SLC4A1: variants seen among roughly 807,000 people sequenced by gnomAD.
SLC4A1 encodes the protein band 3 anion transport protein.
In SLC4A1, 29 loss-of-function variants were observed where a neutral mutation model predicts 93.1. The observed-to-expected ratio is 0.31, with a 90% confidence interval of 0.23 to 0.42. The LOEUF (loss-of-function observed/expected upper bound fraction) is 0.42. Ranked by LOEUF, SLC4A1 falls within the 20% of genes least tolerant of loss-of-function variation. The pLI is 1.00. For missense variants in SLC4A1, 965 were observed against 1,190.1 expected, an observed-to-expected ratio of 0.81 and a Z score of 2.78; for synonymous variants, 469 against 497.2, an observed-to-expected ratio of 0.94 and a Z score of 0.76.
intron 19 of SLC4A1, 63 bp from the exon 20 acceptor site, chr17:44,250,601 G>T: frequency 7.7e-7 from 1 of 1,304,364 alleles, no homozygotes; most frequent in South Asian, 1.2e-5. Flanking sequence ...AGCCCTCCCC[G>T]GGCACGAAAG....
chr17:44,264,805 G>A (rs1459312514), intron 1 of SLC4A1, among the ~76,000 whole-genome samples: 1 of 152,058 alleles, frequency 6.6e-6, no homozygotes, highest in Non-Finnish European at 1.5e-5. Context: ...GAATGTGAGG[G>A]CAGGTCCAAG....
intron 1 of SLC4A1, among the ~76,000 whole-genome samples, chr17:44,267,351 A>T (rs2047503780): frequency 6.6e-6 from 1 of 152,196 alleles, no homozygotes; most frequent in Non-Finnish European, 1.5e-5. Context: ...TGCCCATCTC[A>T]TAGACCTGTT....
Position 44,257,529 on chromosome 17 carries a change from C to T in SLC4A1, c.1447G>A (p.Gly483Ser), listed in dbSNP as rs544557335. The part of the protein sequence containing the change: ...EAFFSFCETN[G>S]LEYIVGRVWI... Reference sequence around the variant, plus strand: ...ACGCGGCCCACGATGTACTCTAGACCGTTGGTCTCGCAGAACTGCAGGGTG... The same window carrying T: ...ACGCGGCCCACGATGTACTCTAGACTGTTGGTCTCGCAGAACTGCAGGGTG... The change falls in exon 13 of 20, where the codon GGT becomes AGT. Residue 483 changes from glycine (G) to serine (S), a missense_variant. This residue lies in a region of SLC4A1 where 770 missense variants were observed against 1,006.6 expected (regional missense o/e 0.76). Coordinates refer to ENST00000262418, the MANE Select transcript of SLC4A1 (RefSeq NM_000342.4). 1.8e-5 allele frequency: 29 copies of T among 1,614,032 alleles called. No homozygotes were observed. Among genetic ancestry groups the T allele is most frequent in the African/African-American group, 9.3e-5 (7 of 75,006 alleles).
At chr17:44,256,134 A>T (rs1032039798) in intron 13 of SLC4A1, among the ~76,000 whole-genome samples, 1 of 152,052 alleles carries the variant, frequency 6.6e-6, no homozygotes. Flanking sequence ...CCACTCATTC[A>T]TCAATCATCC....
chr17:44,260,315 A>C, intron 6 of SLC4A1, 89 bp downstream of exon 6: 1 of 1,521,586 alleles, frequency 6.6e-7, no homozygotes, highest in South Asian at 1.2e-5. Flanking sequence ...GGGTAGGGCC[A>C]CCTGGATCCC....
intron 17 of SLC4A1, 144 bp from the exon 18 acceptor site, chr17:44,251,732 TTTTTTTTG>T: frequency 3.4e-5 from 21 of 612,342 alleles, no homozygotes; most frequent in Admixed American, 6.6e-5. Context: ...TTTTTTTTTT[TTTTTTTTG>T]TTTTTTTTTT....
chr17:44,254,173 A>G (rs1309728148), intron 16 of SLC4A1, among the ~76,000 whole-genome samples: 1 of 151,800 alleles, frequency 6.6e-6, no homozygotes, highest in Admixed American at 6.6e-5. Flanking sequence ...ACAGGGCTTC[A>G]CCATGTTAGC....
intron 7 of SLC4A1, 64 bp from the exon 8 acceptor site, chr17:44,259,645 C>G (rs1489949887): frequency 8.6e-6 from 13 of 1,516,330 alleles, no homozygotes; most frequent in Non-Finnish European, 1.2e-5. Flanking sequence ...CCTGAGCATC[C>G]TCCCCTTCCC....
Position 44,250,428 on chromosome 17 carries a change from G to C in SLC4A1, c.*30C>G, listed in dbSNP as rs772584578. 5.1e-6 allele frequency: 8 copies of C among 1,560,906 alleles called. No individual in the cohort carries two copies. The highest frequency in any genetic ancestry group is 2.2e-5 in the East Asian group (1 of 44,596). ...TTGGAAGGTGGGGATGTGGAATGGT[G>C]GGGGAGGGTCTAGGGCCTGGGCCCG... On this transcript the variant is annotated 3_prime_UTR_variant, in exon 20 of 20. Transcript: ENST00000262418.
chr17:44,268,059 C>T lies in SLC4A1; in HGVS notation c.-74G>A. 1 of 985,356 alleles carries T rather than the reference C, an allele frequency of 1.0e-6. No homozygotes were observed. The highest frequency in any genetic ancestry group is 1.2e-6 in the Non-Finnish European group (1 of 829,916). The allele number at this position is 985,356 out of a possible 1,614,324, so 61.0% of individuals were successfully genotyped here. A position where few individuals can be genotyped will look rare whatever the true frequency, so the allele number is the denominator to read the frequency against. On this transcript the variant is annotated 5_prime_UTR_variant, in exon 1 of 20. Transcript: ENST00000262418. ...CCCCTCCCTGCCCTGCCCACCTGCT[C>T]ACGAGCCTCAGGGTCCCTTGGTGAA...
intron 3 of SLC4A1, 119 bp from the exon 4 acceptor site, chr17:44,261,755 G>A (rs1456292696): frequency 3.9e-6 from 6 of 1,543,336 alleles, no homozygotes; most frequent in African/African-American, 1.4e-5. Flanking sequence ...CCAGTGCCCT[G>A]GGCTGGGTCT....
rs746946659 is a variant in SLC4A1, at chr17:44,258,516, G to A, written c.984C>T (p.Ser328=). 5.7e-5 allele frequency: 92 copies of A among 1,613,916 alleles called. No individual in the cohort carries two copies. The highest frequency in any genetic ancestry group is 6.4e-5 in the Non-Finnish European group (75 of 1,179,982). Residue 328 remains serine, a synonymous_variant, in exon 10 of 20, where the codon TCC becomes TCT. Transcript: ENST00000262418. This position sits in a 1 kb window ranked among gnomAD's most constrained non-coding sequence, Gnocchi z 6.1. The part of the protein sequence containing the change: ...SLVLPPTDAP[S]EQALLSLVPV... ...GCACCAGACTGAGCAGTGCCTGCTC[G>A]GAGGGGGCATCGGTGGGAGGCAGCA...
chr17:44,249,146 G>A lies in SLC4A1; in HGVS notation c.*1312C>T, dbSNP rs980667176. 8 of 453,972 alleles carry A rather than the reference G, an allele frequency of 1.8e-5. No homozygotes were observed. The highest frequency in any genetic ancestry group is 1.4e-4 in the African/African-American group (7 of 49,810). 28.1% of individuals were successfully genotyped at this position (453,972 alleles called of 1,614,324 possible). A position where few individuals can be genotyped will look rare whatever the true frequency, so the allele number is the denominator to read the frequency against. ...CAAAGTGCTGGGATTACAAACGTGA[G>A]CCACTGCGCCCAGCCACCTCCTCTC... On this transcript the variant is annotated 3_prime_UTR_variant, in exon 20 of 20. Transcript: ENST00000262418.
intron 11 of SLC4A1, 21 bp downstream of exon 11, chr17:44,257,965 G>A: frequency 5.6e-6 from 9 of 1,613,848 alleles, no homozygotes; most frequent in Non-Finnish European, 7.6e-6. Context: ...AAGAGTTAGG[G>A]AGACAGGTAT....
intron 1 of SLC4A1, among the ~76,000 whole-genome samples, chr17:44,265,785 A>G (rs2047491087): frequency 1.3e-5 from 2 of 152,070 alleles, no homozygotes; most frequent in African/African-American, 4.8e-5. Flanking sequence ...TGGGGCAGGG[A>G]GCCTGGCCAA....
rs995921132 is a variant in SLC4A1, at chr17:44,249,301, C to G, written c.*1157G>C. 5 of 407,362 alleles carry G rather than the reference C, an allele frequency of 1.2e-5. No homozygotes were observed. Among genetic ancestry groups the G allele is most frequent in the Admixed American group, 5.6e-5 (2 of 35,692 alleles). 25.2% of individuals were successfully genotyped at this position (407,362 alleles called of 1,614,324 possible). On this transcript the variant is annotated 3_prime_UTR_variant, in exon 20 of 20. Transcript: ENST00000262418. ...CTTGGAGAGCCTGCTGTCTCCTACCCCAATTGGTCAGATCTGGGTTCTCCC... is the reference window on the plus strand; with the variant it reads ...CTTGGAGAGCCTGCTGTCTCCTACCGCAATTGGTCAGATCTGGGTTCTCCC...
intron 3 of SLC4A1, chr17:44,262,171 G>T: frequency 3.3e-6 from 2 of 609,346 alleles, no homozygotes; most frequent in Non-Finnish European, 4.2e-6. Context: ...CAGCACTTAA[G>T]TCCTGTTGAC....
intron 16 of SLC4A1, 146 bp downstream of exon 16, chr17:44,254,350 G>C (rs1371423415): frequency 2.7e-6 from 2 of 734,716 alleles, no homozygotes; most frequent in Non-Finnish European, 4.7e-6. Context: ...ACTGCCCCTG[G>C]CTTTTCACTA....
Position 44,255,315 on chromosome 17 carries a change from A to T in SLC4A1, c.1801-19T>A. 6.5e-7 allele frequency: 1 copy of T among 1,543,660 alleles called. No homozygotes were observed. The highest frequency in any genetic ancestry group is 2.4e-5 in the East Asian group (1 of 41,120). The stretch of plus-strand genomic sequence containing the variant: ...GACGCAGCTGGGGGCAGGTGAAAGG[A>T]CCAGTGGTCAGTGCCCAGTCACTCC... On this transcript the variant is annotated intron_variant, in intron 14 of 19. Transcript: ENST00000262418.
Sources: gnomAD v4.1 joint callset for allele counts (sites outside exome capture counted in the v4.1 genomes callset) on GRCh38, gnomAD v4.1.1 for gene constraint, gnomAD v4.1.1 regional missense constraint, Gnocchi (gnomAD v3.1) non-coding constraint, MANE v1.5 for transcripts, NCBI Gene and HGNC (gene_info 2026-07-23, HGNC 2026-07-21) for gene names.